PARD3: variants seen among roughly 807,000 people sequenced by gnomAD.
The protein encoded by PARD3 is partitioning defective 3 homolog.
Under a neutral mutation model 155.4 loss-of-function variants are expected in PARD3, and 75 were observed. That is an observed-to-expected ratio of 0.48 (90% CI 0.40 to 0.58). The LOEUF (loss-of-function observed/expected upper bound fraction) is 0.58. Ranked by LOEUF, PARD3 falls within the 20% of genes least tolerant of loss-of-function variation. The pLI, the probability that PARD3 is intolerant of heterozygous loss-of-function variation, is 0.00. For synonymous variants in PARD3, 576 were observed against 610.5 expected, an observed-to-expected ratio of 0.94 and a Z score of 0.83; for missense variants, 1,642 against 1,721.7, an observed-to-expected ratio of 0.95 and a Z score of 0.82.
chr10:34,321,592 T>TTG (rs1371206654), intron 19 of PARD3, among the ~76,000 whole-genome samples: 1 of 152,220 alleles, frequency 6.6e-6, no homozygotes, highest in Admixed American at 6.5e-5. Flanking sequence ...ACTTTCAAGT[T>TTG]TCTTTTTTTA....
At chr10:34,323,596 T>C (rs904117853) in intron 19 of PARD3, among the ~76,000 whole-genome samples, 1 of 152,196 alleles carries the variant, frequency 6.6e-6, no homozygotes, top group African/African-American at 2.4e-5. Context: ...TCAATATATG[T>C]GGGTGAAGGA....
At chr10:34,323,872 A>T (rs1048131848) in intron 19 of PARD3, among the ~76,000 whole-genome samples, 3 of 152,216 alleles carry the variant, frequency 2.0e-5, no homozygotes, top group African/African-American at 7.2e-5. Flanking sequence ...CATTCAAATG[A>T]CGGCCCACAG....
At chr10:34,210,239 G>A (rs563011568) in intron 22 of PARD3, among the ~76,000 whole-genome samples, 5 of 152,342 alleles carry the variant, frequency 3.3e-5, no homozygotes, top group African/African-American at 7.2e-5. Flanking sequence ...ATGTATGTGT[G>A]TGTGTAGTGC....
chr10:34,565,490 C>G (rs1280819727), intron 2 of PARD3, among the ~76,000 whole-genome samples: 2 of 151,906 alleles, frequency 1.3e-5, no homozygotes, highest in Admixed American at 6.6e-5. Context: ...TGGTCTCGAA[C>G]TCCTGACCTC....
intron 22 of PARD3, among the ~76,000 whole-genome samples, chr10:34,227,858 A>ATG (rs1952693492): frequency 1.7e-5 from 1 of 60,008 alleles, no homozygotes. Flanking sequence ...ATTATTTTTT[A>ATG]TATATATATA....
intron 20 of PARD3, among the ~76,000 whole-genome samples, chr10:34,288,347 A>G (rs1956503144): frequency 6.6e-6 from 1 of 152,254 alleles, no homozygotes; most frequent in African/African-American, 2.4e-5. Context: ...AAGGTATACT[A>G]TAAAATCACA....
At chr10:34,370,349 C>T (rs1304655541) in intron 12 of PARD3, among the ~76,000 whole-genome samples, 1 of 152,188 alleles carries the variant, frequency 6.6e-6, no homozygotes, top group East Asian at 1.9e-4. Flanking sequence ...CAGAATACCA[C>T]ATCAAAAGAT....
intron 14 of PARD3, among the ~76,000 whole-genome samples, chr10:34,349,458 T>C (rs892937216): frequency 1.3e-5 from 2 of 151,776 alleles, no homozygotes; most frequent in African/African-American, 4.8e-5. Context: ...TTTAAAATTG[T>C]AGATTACAAC....
Position 34,131,545 on chromosome 10 carries a change from C to T in PARD3, c.3458G>A (p.Arg1153His), listed in dbSNP as rs775918555. ...STPSNHDRIQ[R>H]LRQEFQQAKQ... ...TGCTTGCTGAAATTCTTGCCTCAGA[C>T]GCTGTATCCGATCATGATTGCTAGG... The change falls in exon 23 of 25, where the codon CGT becomes CAT. Residue 1153 changes from arginine (R) to histidine (H), a missense_variant. Arg to His is a conservative substitution (Grantham distance 29). This residue lies in a region of PARD3 where 1,529 missense variants were observed against 1,587.3 expected (regional missense o/e 0.96). Coordinates refer to ENST00000374788, the MANE Select transcript of PARD3 (RefSeq NM_001184785.2). 1.7e-5 allele frequency: 28 copies of T among 1,613,680 alleles called. 1 individual carries two copies. Among genetic ancestry groups the T allele is most frequent in the South Asian group, 3.3e-5 (3 of 91,072 alleles).
At chr10:34,649,582 C>A (rs1324704659) in intron 2 of PARD3, among the ~76,000 whole-genome samples, 7 of 152,224 alleles carry the variant, frequency 4.6e-5, no homozygotes, top group East Asian at 1.9e-4. Flanking sequence ...ATGGAGCTTG[C>A]GGGACTGGAA....
rs371199369 is a variant in PARD3, at chr10:34,382,527, G to A, written c.1399+13C>T. 21 of 1,602,550 alleles carry A rather than the reference G, an allele frequency of 1.3e-5. No homozygotes were observed. In the African/African-American group the frequency reaches 1.8e-4, roughly 13 times the overall value. On this transcript the variant is annotated intron_variant, in intron 9 of 24. Coordinates refer to ENST00000374788, the MANE Select transcript of PARD3 (RefSeq NM_001184785.2). ...AAAGAAATTCCACAAAACAAAAACA[G>A]GATAGGTCGTACCTTTCTTAAGCTG...
intron 3 of PARD3, among the ~76,000 whole-genome samples, chr10:34,487,311 G>A (rs945574536): frequency 6.6e-6 from 1 of 151,964 alleles, no homozygotes; most frequent in African/African-American, 2.4e-5. Flanking sequence ...TTTCTCATCT[G>A]TCTGCCTCAT....
intron 18 of PARD3, among the ~76,000 whole-genome samples, chr10:34,334,448 G>A (rs1275540762): frequency 2.0e-5 from 3 of 151,252 alleles, no homozygotes; most frequent in African/African-American, 7.3e-5. Flanking sequence ...AGGCTAGACA[G>A]ATGTTCAATG....
intron 2 of PARD3, among the ~76,000 whole-genome samples, chr10:34,640,047 T>A (rs769719684): frequency 2.0e-4 from 30 of 152,306 alleles, no homozygotes; most frequent in Non-Finnish European, 3.8e-4. Flanking sequence ...GATTCTATAT[T>A]CAGAACAGAA....
At chr10:34,279,264 TAAAGTGTTAGGATTAC>T (rs777027246) in intron 21 of PARD3, among the ~76,000 whole-genome samples, 11 of 151,106 alleles carry the variant, frequency 7.3e-5, no homozygotes, top group African/African-American at 1.2e-4. Context: ...ATGCTCTTGC[TAAAGTGTTAGGATTAC>T]AAAGTGTTAG....
chr10:34,581,461 C>A (rs1020231868), intron 2 of PARD3, among the ~76,000 whole-genome samples: 20 of 151,860 alleles, frequency 1.3e-4, no homozygotes, highest in Non-Finnish European at 2.4e-4. Context: ...GTCTTGAACT[C>A]CTGACCTCGT....
intron 1 of PARD3, among the ~76,000 whole-genome samples, chr10:34,784,440 A>T (rs1840684800): frequency 7.2e-6 from 1 of 139,328 alleles, no homozygotes; most frequent in South Asian, 2.3e-4. Flanking sequence ...ATTTTCCAAC[A>T]TACTTTTTTT....
At chr10:34,338,883 C>CAA (rs1836489536) in intron 16 of PARD3, among the ~76,000 whole-genome samples, 1 of 152,126 alleles carries the variant, frequency 6.6e-6, no homozygotes. Flanking sequence ...GTGAAAGCCC[C>CAA]ATGTAAATTG....
At chr10:34,778,281 G>GA (rs1163393227) in intron 1 of PARD3, among the ~76,000 whole-genome samples, 1 of 152,162 alleles carries the variant, frequency 6.6e-6, no homozygotes, top group Non-Finnish European at 1.5e-5. Context: ...AAATAGGGAG[G>GA]AAGGTTGCGG....
Sources: gnomAD v4.1 joint callset for allele counts (sites outside exome capture counted in the v4.1 genomes callset) on GRCh38, gnomAD v4.1.1 for gene constraint, gnomAD v4.1.1 regional missense constraint, MANE v1.5 for transcripts, NCBI Gene and HGNC (gene_info 2026-07-23, HGNC 2026-07-21) for gene names.